Variants in MALRD1 observed in about 807,000 individuals in gnomAD.
MALRD1 encodes MAM and LDL receptor class A domain containing 1.
A neutral mutation model predicts 242.1 loss-of-function variants in MALRD1; 247 were observed. That is an observed-to-expected ratio of 1.02 (90% confidence interval 0.92 to 1.13). The LOEUF (loss-of-function observed/expected upper bound fraction) is 1.13, where lower values mean the gene tolerates loss of function less well. Ranked by LOEUF, MALRD1 falls within the 50% of genes most tolerant of loss-of-function variation. MALRD1 has a pLI of 0.00. For missense variants in MALRD1, 2,989 were observed against 2,533.1 expected, an observed-to-expected ratio of 1.18 and a Z score of -3.86; for synonymous variants, 995 against 866.6, an observed-to-expected ratio of 1.15 and a Z score of -2.60.
At chr10:19,390,270 T>C (rs1374763124) in intron 28 of MALRD1, among the ~76,000 whole-genome samples, 1 of 152,230 alleles carries the variant, frequency 6.6e-6, no homozygotes, top group African/African-American at 2.4e-5. Context: ...TATCCATTTT[T>C]CCTCACAGAT....
At chr10:19,509,081 T>C (rs1372914780) in intron 31 of MALRD1, among the ~76,000 whole-genome samples, 1 of 152,212 alleles carries the variant, frequency 6.6e-6, no homozygotes, top group Non-Finnish European at 1.5e-5. Flanking sequence ...CCTAATCTAT[T>C]ATCTTTATAT....
chr10:19,555,667 A>G (rs925182459), intron 32 of MALRD1, among the ~76,000 whole-genome samples: 7 of 152,128 alleles, frequency 4.6e-5, no homozygotes, highest in African/African-American at 1.4e-4. Flanking sequence ...CATTGTAAAG[A>G]CATTCTTACA....
chr10:19,508,621 T>C (rs945654885), intron 31 of MALRD1, among the ~76,000 whole-genome samples: 1 of 152,198 alleles, frequency 6.6e-6, no homozygotes, highest in Non-Finnish European at 1.5e-5. Context: ...ATTTCAAATA[T>C]GTAGTAACAA....
chr10:19,696,586 GA>G (rs531379614), intron 38 of MALRD1, among the ~76,000 whole-genome samples: 16 of 151,654 alleles, frequency 1.1e-4, no homozygotes, highest in Non-Finnish European at 1.9e-4. Flanking sequence ...GTGTTCATTA[GA>G]AAAAAAATGA....
At chr10:19,637,176 A>G (rs929901761) in intron 36 of MALRD1, among the ~76,000 whole-genome samples, 2 of 152,192 alleles carry the variant, frequency 1.3e-5, no homozygotes, top group Non-Finnish European at 2.9e-5. Flanking sequence ...TGAAGAGAAT[A>G]CATATGTCAA....
intron 32 of MALRD1, among the ~76,000 whole-genome samples, chr10:19,556,179 G>T (rs144559381): frequency 6.6e-6 from 1 of 152,042 alleles, no homozygotes; most frequent in Non-Finnish European, 1.5e-5. Context: ...AACAGTTTTC[G>T]TATAATATAA....
chr10:19,497,786 A>C (rs1186858954), intron 30 of MALRD1, among the ~76,000 whole-genome samples: 1 of 152,224 alleles, frequency 6.6e-6, no homozygotes, highest in Non-Finnish European at 1.5e-5. Flanking sequence ...TGAGTGCTTC[A>C]AAAGTAATAA....
At chr10:19,597,007 G>GA (rs1838132046) in intron 34 of MALRD1, among the ~76,000 whole-genome samples, 1 of 152,148 alleles carries the variant, frequency 6.6e-6, no homozygotes, top group Admixed American at 6.6e-5. Flanking sequence ...TGAAAGAAAA[G>GA]AGAGATGACC....
At chr10:19,470,189 A>G (rs908106781) in intron 29 of MALRD1, among the ~76,000 whole-genome samples, 6 of 152,026 alleles carry the variant, frequency 3.9e-5, no homozygotes, top group Non-Finnish European at 8.8e-5. Context: ...AACTAAAGTC[A>G]TGTCATATTT....
At chr10:19,646,681 AGG>A (rs1840674250) in intron 36 of MALRD1, among the ~76,000 whole-genome samples, 2 of 152,172 alleles carry the variant, frequency 1.3e-5, no homozygotes, top group Non-Finnish European at 2.9e-5. Context: ...TATCAACAAT[AGG>A]AGGTAAGTAC....
intron 34 of MALRD1, among the ~76,000 whole-genome samples, chr10:19,596,971 A>G (rs989337831): frequency 3.9e-5 from 6 of 152,126 alleles, no homozygotes; most frequent in African/African-American, 1.4e-4. Context: ...GAAATCTGGA[A>G]CAATTGGAAG....
chr10:19,105,232 T>C (rs1010250620), intron 5 of MALRD1, among the ~76,000 whole-genome samples: 14 of 152,030 alleles, frequency 9.2e-5, no homozygotes, highest in Admixed American at 7.2e-4. Flanking sequence ...GATAGGCTTT[T>C]GAAAATTTTG....
At chr10:19,503,657 A>G (rs374147106) in intron 31 of MALRD1, among the ~76,000 whole-genome samples, 3 of 152,316 alleles carry the variant, frequency 2.0e-5, no homozygotes, top group East Asian at 3.9e-4. Context: ...TGTTCTTTTA[A>G]ATGATATAAT....
intron 18 of MALRD1, among the ~76,000 whole-genome samples, chr10:19,212,701 T>C (rs1837124103): frequency 6.6e-6 from 1 of 152,154 alleles, no homozygotes; most frequent in African/African-American, 2.4e-5. Flanking sequence ...ATTTTTTTAT[T>C]CCCATCAGCA....
rs551186828 is a variant in MALRD1, at chr10:19,551,975, T to C, written c.5479-15527T>C. Among the ~76,000 whole-genome samples, 4 of 152,322 alleles carry C rather than the reference T, an allele frequency of 2.6e-5. No individual in the cohort carries two copies. In the South Asian group the frequency reaches 8.3e-4, roughly 32 times the overall value. ...GTGGTAAATACACTTTTTGATGTGCTGCTAGATTAGTTTGCCAGTATTTTT... is the reference window on the plus strand; with the variant it reads ...GTGGTAAATACACTTTTTGATGTGCCGCTAGATTAGTTTGCCAGTATTTTT... On this transcript the variant is annotated intron_variant, in intron 32 of 39. Transcript: ENST00000454679.
chr10:19,342,915 GA>G (rs1457530677), intron 24 of MALRD1, among the ~76,000 whole-genome samples: 2 of 151,996 alleles, frequency 1.3e-5, no homozygotes, highest in African/African-American at 2.4e-5. Flanking sequence ...GACAGAGAAG[GA>G]AAAATTATAT....
intron 18 of MALRD1, among the ~76,000 whole-genome samples, chr10:19,233,930 G>T (rs1383772011): frequency 2.0e-5 from 3 of 151,522 alleles, no homozygotes; most frequent in African/African-American, 4.8e-5. Flanking sequence ...TTAATATGAA[G>T]TTTTTATGTT....
intron 33 of MALRD1, among the ~76,000 whole-genome samples, chr10:19,587,099 T>C (rs1008975929): frequency 5.3e-5 from 8 of 152,206 alleles, no homozygotes; most frequent in Non-Finnish European, 1.2e-4. Flanking sequence ...GCACGGTGCA[T>C]GCACCCACTG....
At chr10:19,380,675 C>T (rs1200584328) in intron 26 of MALRD1, among the ~76,000 whole-genome samples, 2 of 151,948 alleles carry the variant, frequency 1.3e-5, no homozygotes, top group Non-Finnish European at 2.9e-5. Flanking sequence ...TCCTTTTGAA[C>T]ATTATATAGA....
Sources: gnomAD v4.1 joint callset for allele counts (sites outside exome capture counted in the v4.1 genomes callset) on GRCh38, gnomAD v4.1.1 for gene constraint, MANE v1.5 for transcripts, NCBI Gene and HGNC (gene_info 2026-07-23, HGNC 2026-07-21) for gene names.